PCGF3: variants seen among roughly 807,000 people sequenced by gnomAD.
PCGF3 encodes the protein polycomb group ring finger 3, also known as polycomb group RING finger protein 3.
A neutral mutation model predicts 33.1 loss-of-function variants in PCGF3; 7 were observed. The observed-to-expected ratio is 0.21, with a 90% CI of 0.12 to 0.40. The LOEUF (loss-of-function observed/expected upper bound fraction) is 0.40. Ranked by LOEUF, PCGF3 falls within the 10% of genes least tolerant of loss-of-function variation. PCGF3 has a pLI of 1.00. For missense variants in PCGF3, 211 were observed against 313.3 expected (o/e 0.67, Z 2.46); for synonymous variants, 153 against 121.3 (o/e 1.26, Z -1.72).
Position 764,964 on chromosome 4 carries a change from C to T in PCGF3, c.601-20C>T. 1 of 1,601,490 alleles carries T rather than the reference C, an allele frequency of 6.2e-7. No individual in the cohort carries two copies. Among genetic ancestry groups the T allele is most frequent in the Non-Finnish European group, 8.6e-7 (1 of 1,168,792 alleles). On this transcript the variant is annotated intron_variant, in intron 9 of 10. Coordinates refer to ENST00000362003, the Ensembl canonical transcript of PCGF3. ...GGTTGAGCACCTCTCCGCTGCTAAT[C>T]AAACCTCCTTATCCCCCAGCTGGAC...
At chr4:744,633 A>G (rs758440465) in exon 8 of PCGF3, 19 of 1,561,502 alleles carry the variant, frequency 1.2e-5, no homozygotes, top group Non-Finnish European at 1.6e-5. Context: ...TCAAACAAAG[A>G]GGCCGCGGAG....
At chr4:713,173 G>A (rs1319985058) in intron 1 of PCGF3, among the ~76,000 whole-genome samples, 8 of 140,974 alleles carry the variant, frequency 5.7e-5, no homozygotes, top group Admixed American at 2.1e-4. Context: ...GTGGCGTCAT[G>A]GGGGCTGTGG....
intron 8 of PCGF3, among the ~76,000 whole-genome samples, chr4:752,060 G>T (rs774595469): frequency 1.3e-4 from 20 of 152,272 alleles, no homozygotes; most frequent in Non-Finnish European, 2.5e-4. Flanking sequence ...AAAAATACTT[G>T]ACGGGGCCTT....
At position 721,533 on chromosome 4, in the gene PCGF3, G is replaced by A. The variant is rs1161960612; in HGVS notation, c.-189-9097G>A. Among the ~76,000 whole-genome samples the A allele has an allele frequency of 6.6e-6, 1 of 152,064 alleles. No homozygotes were observed. Among genetic ancestry groups the A allele is most frequent in the African/African-American group, 2.4e-5 (1 of 41,404 alleles). On this transcript the variant is annotated intron_variant, in intron 1 of 10. Coordinates refer to ENST00000362003, the Ensembl canonical transcript of PCGF3. This position sits in a 1 kb window ranked among gnomAD's most constrained non-coding sequence, Gnocchi z 4.1. The stretch of plus-strand genomic sequence containing the variant: ...GAGAGAGGGAGTCGGTGCCTTAGGA[G>A]GCTGCGGGCGAGGCGAGGGCAGAGT...
intron 1 of PCGF3, among the ~76,000 whole-genome samples, chr4:718,822 T>C (rs1314287974): frequency 1.3e-5 from 2 of 152,242 alleles, no homozygotes; most frequent in Non-Finnish European, 2.9e-5. Flanking sequence ...CTTTACTGCC[T>C]GGGGTCAGTT....
At chr4:761,688 G>C in intron 9 of PCGF3, 1 of 985,394 alleles carries the variant, frequency 1.0e-6, no homozygotes, top group Non-Finnish European at 1.2e-6. Flanking sequence ...TAGGATAAAG[G>C]TTTTCCTCAA....
At chr4:733,575 C>T in intron 3 of PCGF3, 97 bp from the exon 4 acceptor site, 1 of 1,300,040 alleles carries the variant, frequency 7.7e-7, no homozygotes, top group Non-Finnish European at 1.1e-6. Context: ...GCCTCAGGGC[C>T]TGCACTGTCC....
intron 7 of PCGF3, among the ~76,000 whole-genome samples, chr4:744,263 G>A (rs1744217321): frequency 6.6e-6 from 1 of 152,218 alleles, no homozygotes; most frequent in Non-Finnish European, 1.5e-5. Flanking sequence ...CTTTCAGATC[G>A]AGGGGCTGAT....
intron 4 of PCGF3, 197 bp downstream of exon 4, chr4:733,986 A>G: frequency 6.4e-7 from 1 of 1,551,276 alleles, no homozygotes; most frequent in Non-Finnish European, 8.7e-7. Context: ...GTGGTGTCAG[A>G]GCAGATGAGG....
Position 735,036 on chromosome 4 carries a change from G to C in PCGF3, c.206+9G>C, listed in dbSNP as rs762789395. 8 of 1,610,566 alleles carry C rather than the reference G, an allele frequency of 5.0e-6. No individual in the cohort carries two copies. ...CCCCTGCAGTACATCGGGTGAGTGT[G>C]GGCCTTCCCAGGCCACAGTACGTGG... On this transcript the variant is annotated intron_variant, in intron 5 of 10. Transcript: ENST00000362003.
At chr4:754,208 T>TG (rs1744664467) in intron 8 of PCGF3, among the ~76,000 whole-genome samples, 1 of 152,220 alleles carries the variant, frequency 6.6e-6, no homozygotes, top group Admixed American at 6.5e-5. Flanking sequence ...GGTTCTGGTG[T>TG]GGGGTCCCTG....
intron 8 of PCGF3, among the ~76,000 whole-genome samples, chr4:756,359 C>T (rs991693525): frequency 2.0e-5 from 3 of 151,730 alleles, no homozygotes; most frequent in South Asian, 2.1e-4. Context: ...ATTACAGGCA[C>T]GCACCACCAT....
chr4:737,534 C>A lies in PCGF3; in HGVS notation c.262+13C>A, dbSNP rs201756728. 373 of 1,566,156 alleles carry A rather than the reference C, an allele frequency of 2.4e-4. 1 individual carries two copies. Among genetic ancestry groups the A allele is most frequent in the Non-Finnish European group, 3.1e-4 (348 of 1,136,530 alleles). On this transcript the variant is annotated intron_variant, in intron 6 of 10. Coordinates refer to ENST00000362003, the Ensembl canonical transcript of PCGF3. ...GGCCTCCAAGAAGGTGAGTGTCTGA[C>A]TGTCTTGCTGATCCCTGAGGTCCCA... is the stretch of plus-strand genomic sequence containing the variant.
At chr4:731,024 G>A in exon 3 of PCGF3, 1 of 398,568 alleles carries the variant, frequency 2.5e-6, no homozygotes, top group Non-Finnish European at 4.4e-6. Flanking sequence ...GTCCGCGTGC[G>A]GAGCCAGGAG....
At chr4:717,968 G>A (rs1199978193) in intron 1 of PCGF3, among the ~76,000 whole-genome samples, 1 of 152,208 alleles carries the variant, frequency 6.6e-6, no homozygotes, top group Non-Finnish European at 1.5e-5. Flanking sequence ...GCTGCGTTGA[G>A]GTCAGTGGGG....
At chr4:715,848 CTG>C (rs1341216632) in intron 1 of PCGF3, among the ~76,000 whole-genome samples, 7 of 106,370 alleles carry the variant, frequency 6.6e-5, no homozygotes, top group African/African-American at 1.9e-4. Context: ...CCTCTAGACA[CTG>C]TGAGTGTGAG....
At chr4:760,298 CCTTT>C (rs1744978250) in intron 8 of PCGF3, among the ~76,000 whole-genome samples, 1 of 152,328 alleles carries the variant, frequency 6.6e-6, no homozygotes, top group African/African-American at 2.4e-5. Flanking sequence ...CGTCTTCTCC[CCTTT>C]CTCTTAGCCT....
chr4:723,158 G>A (rs968564359), intron 1 of PCGF3, among the ~76,000 whole-genome samples: 6 of 152,118 alleles, frequency 3.9e-5, no homozygotes, highest in East Asian at 1.9e-4. Context: ...CGTCCGCGCC[G>A]GGTCCACACT....
intron 4 of PCGF3, chr4:734,317 G>A (rs1743743954): frequency 6.9e-7 from 1 of 1,444,410 alleles, no homozygotes; most frequent in South Asian, 1.5e-5. Context: ...AGGCCCCATG[G>A]CTGGCGGCCC....
Sources: allele counts gnomAD v4.1 joint callset (sites outside exome capture counted in the v4.1 genomes callset), GRCh38; gene constraint gnomAD v4.1.1; non-coding constraint Gnocchi (gnomAD v3.1); transcripts MANE v1.5; gene names NCBI Gene and HGNC (gene_info 2026-07-23, HGNC 2026-07-21).